Variants in CSMD1 observed in about 807,000 individuals in gnomAD.
CSMD1 encodes CUB and sushi domain-containing protein 1.
In CSMD1, 213 loss-of-function variants were observed where a neutral mutation model predicts 417.5. That is an observed-to-expected ratio of 0.51 (90% confidence interval 0.46 to 0.57). The LOEUF (loss-of-function observed/expected upper bound fraction) is 0.57. Ranked by LOEUF, CSMD1 falls within the 20% of genes least tolerant of loss-of-function variation. The pLI, the probability that CSMD1 is intolerant of heterozygous loss-of-function variation, is 0.00. For missense variants in CSMD1, 6,923 were observed against 4,529.7 expected, an observed-to-expected ratio of 1.53 and a Z score of -15.17; for synonymous variants, 2,862 against 1,736.8, an observed-to-expected ratio of 1.65 and a Z score of -16.11.
Position 4,290,884 on chromosome 8 carries a change from A to T in CSMD1, c.415+129069T>A, listed in dbSNP as rs907462809. Among the ~76,000 whole-genome samples the T allele has an allele frequency of 1.3e-4, 20 of 152,184 alleles. 1 individual carries two copies. Among genetic ancestry groups the T allele is most frequent in the Admixed American group, 1.3e-3 (20 of 15,276 alleles). ...TTCTTGTGACTCATCATCCTTTACA[A>T]TGTCAGCTCTCTGTAATTCCGCCAG... is the stretch of plus-strand genomic sequence containing the variant. On this transcript the variant is annotated intron_variant, in intron 3 of 69. Transcript: ENST00000635120.
At chr8:4,775,802 T>G (rs1018498785) in intron 1 of CSMD1, among the ~76,000 whole-genome samples, 1 of 152,144 alleles carries the variant, frequency 6.6e-6, no homozygotes, top group Non-Finnish European at 1.5e-5. Flanking sequence ...TGGGTCCTCT[T>G]AGGCATTAAA....
intron 52 of CSMD1, among the ~76,000 whole-genome samples, chr8:3,002,954 G>C (rs191060700): frequency 1.3e-5 from 2 of 152,194 alleles, no homozygotes; most frequent in African/African-American, 4.8e-5. Context: ...AAAAAGTTAT[G>C]TATCAGCAGG....
At chr8:3,831,633 T>C (rs928074300) in intron 5 of CSMD1, among the ~76,000 whole-genome samples, 7 of 152,174 alleles carry the variant, frequency 4.6e-5, no homozygotes, top group African/African-American at 1.7e-4. Context: ...TACTTATGGG[T>C]TTTCCTTCAA....
chr8:3,308,449 A>C lies in CSMD1; in HGVS notation c.3686T>G (p.Ile1229Ser). 6.2e-7 allele frequency: 1 copy of C among 1,613,794 alleles called. No individual in the cohort carries two copies. Among genetic ancestry groups the C allele is most frequent in the Non-Finnish European group, 8.5e-7 (1 of 1,179,806 alleles). The change falls in exon 24 of 70, where the codon ATC becomes AGC. Residue 1229 changes from isoleucine (I) to serine (S), a missense_variant. Coordinates refer to ENST00000635120, the MANE Select transcript of CSMD1 (RefSeq NM_033225.6). ...DPGIPNYGYR[I>S]RDEGHFTDTV... is the part of the protein sequence containing the mutation. ...GTCGGTAAAGTGGCCTTCATCACGGATCCTATAGCCGTAGTTAGGGATGCC... is the reference window on the plus strand; with the variant it reads ...GTCGGTAAAGTGGCCTTCATCACGGCTCCTATAGCCGTAGTTAGGGATGCC...
chr8:4,345,392 G>C (rs79315969), intron 3 of CSMD1, among the ~76,000 whole-genome samples: 1,904 of 152,120 alleles, frequency 0.013, 28 homozygotes, highest in Non-Finnish European at 0.016. Context: ...ATGCAATAGA[G>C]TATTTTCATA....
chr8:3,191,397 A>C (rs1289169022), intron 33 of CSMD1, among the ~76,000 whole-genome samples: 1 of 152,218 alleles, frequency 6.6e-6, no homozygotes, highest in Non-Finnish European at 1.5e-5. Context: ...CATAAGTTGC[A>C]GTGAGCCAAG....
At chr8:4,968,391 G>A (rs540450387) in intron 1 of CSMD1, among the ~76,000 whole-genome samples, 1 of 151,708 alleles carries the variant, frequency 6.6e-6, no homozygotes, top group African/African-American at 2.4e-5. Flanking sequence ...CAGAAAATCT[G>A]TAACTGTTAA....
At chr8:3,319,012 C>G (rs1805970544) in intron 23 of CSMD1, among the ~76,000 whole-genome samples, 1 of 152,160 alleles carries the variant, frequency 6.6e-6, no homozygotes, top group South Asian at 2.1e-4. Flanking sequence ...ACAGATTCAG[C>G]CATTCCTATG....
At chr8:4,811,638 T>G (rs1798914472) in intron 1 of CSMD1, among the ~76,000 whole-genome samples, 1 of 152,160 alleles carries the variant, frequency 6.6e-6, no homozygotes, top group Non-Finnish European at 1.5e-5. Context: ...TTGATGGGGC[T>G]GTCATAACTG....
At chr8:4,728,497 C>T (rs992235406) in intron 1 of CSMD1, among the ~76,000 whole-genome samples, 2 of 152,060 alleles carry the variant, frequency 1.3e-5, no homozygotes, top group African/African-American at 4.8e-5. Flanking sequence ...AGCAGGTTCT[C>T]AGCGACTATT....
intron 2 of CSMD1, among the ~76,000 whole-genome samples, chr8:4,514,620 G>C (rs572147379): frequency 3.3e-5 from 5 of 152,120 alleles, no homozygotes; most frequent in Non-Finnish European, 5.9e-5. Context: ...GGTTTTTAAA[G>C]TTTTTATAAA....
intron 6 of CSMD1, among the ~76,000 whole-genome samples, chr8:3,716,273 A>C (rs545558268): frequency 1.7e-4 from 26 of 152,298 alleles, no homozygotes; most frequent in Admixed American, 3.3e-4. Context: ...ATCTCATGCA[A>C]AACAGAATTC....
intron 37 of CSMD1, among the ~76,000 whole-genome samples, chr8:3,166,849 A>C (rs947114834): frequency 4.6e-5 from 7 of 152,246 alleles, no homozygotes; most frequent in Non-Finnish European, 7.3e-5. Context: ...AGAAGCAGAG[A>C]TATCTGGGAA....
At chr8:3,452,544 C>G (rs963793281) in intron 12 of CSMD1, among the ~76,000 whole-genome samples, 1 of 152,178 alleles carries the variant, frequency 6.6e-6, no homozygotes, top group African/African-American at 2.4e-5. Flanking sequence ...TGAATTTTGT[C>G]AAAGGCCTTT....
intron 3 of CSMD1, among the ~76,000 whole-genome samples, chr8:4,228,883 A>G (rs546693810): frequency 6.6e-6 from 1 of 151,952 alleles, no homozygotes; most frequent in South Asian, 2.1e-4. Context: ...GCTTTCCCCA[A>G]GTTGGCCAGG....
At chr8:2,998,326 T>G in intron 53 of CSMD1, 142 bp from the exon 54 acceptor site, 2 of 729,548 alleles carry the variant, frequency 2.7e-6, no homozygotes, top group Admixed American at 2.8e-5. Context: ...CAGATGGTAT[T>G]TATATTCAGA....
chr8:3,549,171 C>T (rs1049311963), intron 10 of CSMD1, among the ~76,000 whole-genome samples: 1 of 152,190 alleles, frequency 6.6e-6, no homozygotes, highest in Non-Finnish European at 1.5e-5. Context: ...CTACAGCTCA[C>T]GGTCCACATC....
intron 5 of CSMD1, among the ~76,000 whole-genome samples, chr8:3,839,336 T>C (rs1422209338): frequency 8.7e-6 from 1 of 115,028 alleles, no homozygotes; most frequent in East Asian, 2.3e-4. Context: ...TTATATATAC[T>C]ATTAATTAGA....
At chr8:3,653,833 A>G (rs1399156228) in intron 7 of CSMD1, among the ~76,000 whole-genome samples, 1 of 152,084 alleles carries the variant, frequency 6.6e-6, no homozygotes. Flanking sequence ...ATAGATTTAA[A>G]TATATATATT....
Sources: gnomAD v4.1 joint callset for allele counts (sites outside exome capture counted in the v4.1 genomes callset) on GRCh38, gnomAD v4.1.1 for gene constraint, MANE v1.5 for transcripts, NCBI Gene and HGNC (gene_info 2026-07-23, HGNC 2026-07-21) for gene names.